Variants in ZFPM2 observed in about 807,000 individuals in gnomAD.
The protein encoded by ZFPM2 is zinc finger protein, FOG family member 2.
A neutral mutation model predicts 98.6 loss-of-function variants in ZFPM2; 20 were observed. The observed-to-expected ratio is 0.20, with a 90% CI of 0.14 to 0.29. The LOEUF is 0.29. Among genes scored for constraint, ZFPM2 ranks in the 10% least tolerant of loss-of-function variants. ZFPM2 has a pLI of 1.00. For synonymous variants in ZFPM2, 518 were observed against 502.7 expected, an observed-to-expected ratio of 1.03 and a Z score of -0.41; for missense variants, 1,310 against 1,388.6, an observed-to-expected ratio of 0.94 and a Z score of 0.90.
rs542336847 is a variant in ZFPM2, at chr8:105,364,399, T to C, written c.40+45418T>C. On this transcript the variant is annotated intron_variant, in intron 1 of 7. Transcript: ENST00000407775. ...CATTCTGAAATTAATTATGGTACTTTTTATTTAAATTAAAATCAGGAAGAA... is the reference window on the plus strand; with the variant it reads ...CATTCTGAAATTAATTATGGTACTTCTTATTTAAATTAAAATCAGGAAGAA... Among the ~76,000 whole-genome samples, 5 of 152,170 alleles carry C rather than the reference T, an allele frequency of 3.3e-5. No homozygotes were observed. The South Asian group carries it at 6.2e-4, about 19-fold the overall frequency.
intron 4 of ZFPM2, among the ~76,000 whole-genome samples, chr8:105,609,993 C>T (rs1163402809): frequency 1.3e-5 from 2 of 152,250 alleles, no homozygotes; most frequent in African/African-American, 4.8e-5. Context: ...AACTACCACC[C>T]ATCGCAGCCC....
intron 1 of ZFPM2, chr8:105,387,403 C>T (rs1359610272): frequency 6.4e-6 from 1 of 156,180 alleles, no homozygotes; most frequent in Non-Finnish European, 1.4e-5. Flanking sequence ...CGGGGAGGCT[C>T]CGGCTGCGCA....
intron 5 of ZFPM2, among the ~76,000 whole-genome samples, chr8:105,785,974 A>G (rs7820817): frequency 0.093 from 13,635 of 147,190 alleles, 2,071 homozygotes; most frequent in African/African-American, 0.31. Context: ...ACCCAGAGGC[A>G]GAGCTTGCAG....
chr8:105,786,821 C>A (rs1056574666), intron 5 of ZFPM2, among the ~76,000 whole-genome samples: 4 of 152,184 alleles, frequency 2.6e-5, no homozygotes, highest in Admixed American at 2.6e-4. Flanking sequence ...GGCTGGGCAT[C>A]TTCTCTAAAA....
intron 3 of ZFPM2, among the ~76,000 whole-genome samples, chr8:105,483,997 G>C (rs564938604): frequency 6.6e-6 from 1 of 151,908 alleles, no homozygotes; most frequent in African/African-American, 2.4e-5. Context: ...GCCTCCCAAG[G>C]TGCTGGGATT....
intron 4 of ZFPM2, among the ~76,000 whole-genome samples, chr8:105,611,762 G>A (rs1482196075): frequency 6.6e-6 from 1 of 150,482 alleles, no homozygotes; most frequent in Non-Finnish European, 1.5e-5. Context: ...GCAATGGTGC[G>A]ATCTTGGCTC....
chr8:105,464,102 C>T (rs898172785), intron 3 of ZFPM2, among the ~76,000 whole-genome samples: 1 of 152,018 alleles, frequency 6.6e-6, no homozygotes, highest in Non-Finnish European at 1.5e-5. Flanking sequence ...CAGACCTCTT[C>T]AGACATTCTT....
At chr8:105,430,589 C>G (rs2130138014) in intron 2 of ZFPM2, among the ~76,000 whole-genome samples, 1 of 152,252 alleles carries the variant, frequency 6.6e-6, no homozygotes, top group South Asian at 2.1e-4. Context: ...CTGGAAAATG[C>G]TGTGGGTATT....
intron 5 of ZFPM2, among the ~76,000 whole-genome samples, chr8:105,689,832 T>A (rs970214515): frequency 1.1e-4 from 16 of 152,224 alleles, no homozygotes; most frequent in Admixed American, 7.8e-4. Flanking sequence ...AGAGACTTAT[T>A]TTCCTTTTTA....
At chr8:105,632,702 G>A (rs1358825841) in intron 4 of ZFPM2, among the ~76,000 whole-genome samples, 6 of 152,198 alleles carry the variant, frequency 3.9e-5, no homozygotes, top group South Asian at 2.1e-4. Flanking sequence ...TAAAATATAC[G>A]TAGAATATAA....
intron 5 of ZFPM2, among the ~76,000 whole-genome samples, chr8:105,731,611 G>A (rs1210553626): frequency 6.6e-6 from 1 of 151,462 alleles, no homozygotes; most frequent in Non-Finnish European, 1.5e-5. Flanking sequence ...AACATCTTAT[G>A]ATTACTGTAA....
At chr8:105,326,706 C>T (rs1812121569) in intron 1 of ZFPM2, among the ~76,000 whole-genome samples, 1 of 151,488 alleles carries the variant, frequency 6.6e-6, no homozygotes, top group Non-Finnish European at 1.5e-5. Context: ...TGGTCATGTG[C>T]CACTAACTGC....
At chr8:105,695,315 T>G (rs1397841524) in intron 5 of ZFPM2, among the ~76,000 whole-genome samples, 1 of 151,710 alleles carries the variant, frequency 6.6e-6, no homozygotes, top group African/African-American at 2.4e-5. Flanking sequence ...CAGCAGTGTC[T>G]TCGCAGATTA....
At chr8:105,423,554 C>T (rs1811845589) in intron 2 of ZFPM2, among the ~76,000 whole-genome samples, 1 of 152,098 alleles carries the variant, frequency 6.6e-6, no homozygotes, top group South Asian at 2.1e-4. Flanking sequence ...AAAATTATTT[C>T]CTTGAATTTA....
chr8:105,452,289 C>T (rs1410378366), intron 3 of ZFPM2, among the ~76,000 whole-genome samples: 1 of 152,146 alleles, frequency 6.6e-6, no homozygotes, highest in Non-Finnish European at 1.5e-5. Flanking sequence ...CCACTACCCA[C>T]CCCAGTTGTG....
At chr8:105,383,939 T>G (rs1810936291) in intron 1 of ZFPM2, among the ~76,000 whole-genome samples, 1 of 152,200 alleles carries the variant, frequency 6.6e-6, no homozygotes. Context: ...CTTTCAAATC[T>G]GCCTAGGTAT....
At chr8:105,795,894 G>C in intron 6 of ZFPM2, 2 of 354,502 alleles carry the variant, frequency 5.6e-6, no homozygotes, top group Non-Finnish European at 1.1e-5. Context: ...TCTGAAGTTA[G>C]TAGGTAAGCA....
intron 1 of ZFPM2, among the ~76,000 whole-genome samples, chr8:105,416,882 T>G (rs567697209): frequency 6.6e-6 from 1 of 152,198 alleles, no homozygotes; most frequent in African/African-American, 2.4e-5. Flanking sequence ...AATAAATAAT[T>G]ATGTTAATAT....
Position 105,480,407 on chromosome 8 carries a change from A to G in ZFPM2, c.301+36026A>G, listed in dbSNP as rs372081491. On this transcript the variant is annotated intron_variant, in intron 3 of 7. Transcript: ENST00000407775. ...CATAACTGAGCCTACAAATATAACT[A>G]TATCTAAACAATCTCAGGTATTGTC... 4.6e-5 allele frequency among the ~76,000 whole-genome samples: 7 copies of G among 152,342 alleles called. No homozygotes were observed. In the East Asian group the frequency reaches 1.2e-3, roughly 25 times the overall value.
Sources: allele counts gnomAD v4.1 joint callset (sites outside exome capture counted in the v4.1 genomes callset), GRCh38; gene constraint gnomAD v4.1.1; transcripts MANE v1.5; gene names NCBI Gene and HGNC (gene_info 2026-07-23, HGNC 2026-07-21).